TNR: variants seen among roughly 807,000 people sequenced by gnomAD.
The protein encoded by TNR is tenascin R, also known as tenascin-R.
A neutral mutation model predicts 150.4 loss-of-function variants in TNR; 45 were observed. That is an observed-to-expected ratio of 0.30 (90% CI 0.24 to 0.38). The LOEUF is 0.38. Ranked by LOEUF, TNR falls within the 10% of genes least tolerant of loss-of-function variation. The pLI is 1.00. For missense variants in TNR, 1,544 were observed against 1,759.1 expected, an observed-to-expected ratio of 0.88 and a Z score of 2.19; for synonymous variants, 687 against 678.4, an observed-to-expected ratio of 1.01 and a Z score of -0.20.
At chr1:175,472,822 C>T (rs1445572082) in intron 2 of TNR, among the ~76,000 whole-genome samples, 14 of 152,176 alleles carry the variant, frequency 9.2e-5, no homozygotes, top group Admixed American at 8.5e-4. Flanking sequence ...TCTACTATCC[C>T]TGGCTGGGCT....
At chr1:175,740,348 T>C (rs529094267) in intron 1 of TNR, among the ~76,000 whole-genome samples, 67 of 152,304 alleles carry the variant, frequency 4.4e-4, no homozygotes, top group African/African-American at 1.6e-3. Flanking sequence ...TTTTTTGGGG[T>C]ATACAAGTGT....
chr1:175,580,561 T>A (rs1401648023), intron 1 of TNR, among the ~76,000 whole-genome samples: 1 of 152,204 alleles, frequency 6.6e-6, no homozygotes, highest in Non-Finnish European at 1.5e-5. Flanking sequence ...TTACAATCAC[T>A]CTGTGCACAT....
intron 10 of TNR, 63 bp downstream of exon 10, chr1:175,367,145 C>T: frequency 2.0e-6 from 3 of 1,495,632 alleles, no homozygotes; most frequent in Non-Finnish European, 2.8e-6. Flanking sequence ...TGGGACGAGC[C>T]TCCATGACTC....
Position 175,665,050 on chromosome 1 carries a change from C to T in TNR, c.-165+78176G>A, listed in dbSNP as rs56112755. On this transcript the variant is annotated intron_variant, in intron 1 of 22. Transcript: ENST00000367674. ...CTGAAAGAGTGAATGATACAGCCAA[C>T]GTTCACATGAGCAGTAATGCTGACA... 1.4e-3 allele frequency among the ~76,000 whole-genome samples: 213 copies of T among 152,288 alleles called. 1 individual carries two copies. The highest frequency in any genetic ancestry group is 4.9e-3 in the African/African-American group (203 of 41,560).
chr1:175,642,289 A>G (rs561601158), intron 1 of TNR, among the ~76,000 whole-genome samples: 2 of 152,268 alleles, frequency 1.3e-5, no homozygotes, highest in Admixed American at 6.5e-5. Context: ...TGGGGGAGAA[A>G]AAGTGTTGCA....
At chr1:175,633,234 T>C (rs746331523) in intron 1 of TNR, among the ~76,000 whole-genome samples, 5 of 152,210 alleles carry the variant, frequency 3.3e-5, no homozygotes, top group Non-Finnish European at 7.3e-5. Flanking sequence ...ATTCATACTT[T>C]AGTGTCTTTA....
chr1:175,731,402 T>C (rs1366310462), intron 1 of TNR, among the ~76,000 whole-genome samples: 1 of 152,208 alleles, frequency 6.6e-6, no homozygotes, highest in Non-Finnish European at 1.5e-5. Flanking sequence ...CCTTCACCAA[T>C]GGTTGTGCAG....
intron 19 of TNR, 92 bp from the exon 20 acceptor site, chr1:175,335,899 G>A (rs1004036707): frequency 4.4e-6 from 5 of 1,133,460 alleles, no homozygotes; most frequent in Non-Finnish European, 5.1e-6. Context: ...AAGTAAAATT[G>A]ATATAACTGG....
At chr1:175,524,185 C>T (rs1324032144) in intron 2 of TNR, among the ~76,000 whole-genome samples, 1 of 152,138 alleles carries the variant, frequency 6.6e-6, no homozygotes, top group Non-Finnish European at 1.5e-5. Context: ...GCCTTGCCTT[C>T]CTTGTAAGAG....
At chr1:175,614,330 A>G (rs1663695314) in intron 1 of TNR, among the ~76,000 whole-genome samples, 1 of 152,178 alleles carries the variant, frequency 6.6e-6, no homozygotes, top group African/African-American at 2.4e-5. Flanking sequence ...TAAGTGAGCC[A>G]GGCACCCTAG....
At chr1:175,381,890 C>A (rs138595134) in intron 8 of TNR, among the ~76,000 whole-genome samples, 2 of 152,184 alleles carry the variant, frequency 1.3e-5, no homozygotes, top group African/African-American at 2.4e-5. Flanking sequence ...TTATTCATTG[C>A]GCTCTAGCTA....
intron 1 of TNR, among the ~76,000 whole-genome samples, chr1:175,665,914 C>T (rs541962530): frequency 1.3e-5 from 2 of 152,264 alleles, no homozygotes; most frequent in Admixed American, 1.3e-4. Flanking sequence ...GGACAGCTGA[C>T]CCTACAAGCT....
At chr1:175,615,502 G>A (rs1571678721) in intron 1 of TNR, among the ~76,000 whole-genome samples, 1 of 152,328 alleles carries the variant, frequency 6.6e-6, no homozygotes, top group Non-Finnish European at 1.5e-5. Flanking sequence ...TCCAATGCCT[G>A]GAGGAGTAGG....
chr1:175,724,592 T>A (rs1667428091), intron 1 of TNR, among the ~76,000 whole-genome samples: 1 of 152,238 alleles, frequency 6.6e-6, no homozygotes, highest in Non-Finnish European at 1.5e-5. Context: ...AGTAATGATC[T>A]ATTCCTTGAC....
At chr1:175,477,280 T>C (rs974170985) in intron 2 of TNR, among the ~76,000 whole-genome samples, 1 of 152,198 alleles carries the variant, frequency 6.6e-6, no homozygotes, top group Non-Finnish European at 1.5e-5. Context: ...AGAGGAGATA[T>C]GCCATTTTCA....
At chr1:175,707,488 GA>G (rs1353299904) in intron 1 of TNR, among the ~76,000 whole-genome samples, 1 of 152,116 alleles carries the variant, frequency 6.6e-6, no homozygotes, top group African/African-American at 2.4e-5. Flanking sequence ...GGTATGAAAT[GA>G]AATCCCAAAT....
chr1:175,467,842 G>T (rs967201768), intron 2 of TNR, among the ~76,000 whole-genome samples: 2 of 152,184 alleles, frequency 1.3e-5, no homozygotes, highest in Non-Finnish European at 2.9e-5. Context: ...ATTGGGCAAA[G>T]AAATTACTCG....
intron 1 of TNR, among the ~76,000 whole-genome samples, chr1:175,660,757 A>T (rs996590201): frequency 6.6e-6 from 1 of 152,240 alleles, no homozygotes; most frequent in Non-Finnish European, 1.5e-5. Flanking sequence ...AGAGAGGAAC[A>T]GCTCAAGAAA....
At chr1:175,523,659 T>C (rs1199952417) in intron 2 of TNR, among the ~76,000 whole-genome samples, 1 of 152,182 alleles carries the variant, frequency 6.6e-6, no homozygotes, top group Non-Finnish European at 1.5e-5. Flanking sequence ...TAGCACAGGT[T>C]ATTTTGGTTG....
Sources: allele counts gnomAD v4.1 joint callset (sites outside exome capture counted in the v4.1 genomes callset), GRCh38; gene constraint gnomAD v4.1.1; transcripts MANE v1.5; gene names NCBI Gene and HGNC (gene_info 2026-07-23, HGNC 2026-07-21).